FST: variants seen among roughly 807,000 people sequenced by gnomAD.
FST encodes activin-binding protein.
In FST, 6 loss-of-function variants were observed where a neutral mutation model predicts 38.4. That is an observed-to-expected ratio of 0.16 (90% CI 0.09 to 0.31). The LOEUF (loss-of-function observed/expected upper bound fraction) is 0.31, where lower values mean the gene tolerates loss of function less well. FST is among the 10% of genes least tolerant of loss of function. The pLI is 1.00. For missense variants in FST, 301 were observed against 432.3 expected (o/e 0.70, Z 2.69); for synonymous variants, 157 against 169.8 (o/e 0.92, Z 0.59).
At chr5:53,482,312 T>TTTTC (rs776578377) in intron 1 of FST, among the ~76,000 whole-genome samples, 1 of 150,126 alleles carries the variant, frequency 6.7e-6, no homozygotes, top group East Asian at 1.9e-4. Context: ...CTCTTCTTTC[T>TTTTC]TTTCTTTCTT....
rs70983342 is a variant in FST, at chr5:53,481,462, C to CAAAAAAAAAAAA, written c.85+599_85+610dup. On this transcript the variant is annotated intron_variant, in intron 1 of 5. Transcript: ENST00000256759. ...CTTCCAACCCCATCCCCCATTCTCGCAAAAAAAAAAAAAAAAAAAAAAAAG... is the reference window on the plus strand; with the variant it reads ...CTTCCAACCCCATCCCCCATTCTCGCAAAAAAAAAAAAAAAAAAAAAAAAAAAAAAAAAAAAG... Among the ~76,000 whole-genome samples, 184 of 48,066 alleles carry CAAAAAAAAAAAA rather than the reference C, an allele frequency of 3.8e-3. 27 individuals are homozygous for CAAAAAAAAAAAA. The highest frequency in any genetic ancestry group is 7.9e-3 in the African/African-American group (68 of 8,660). The allele number at this position is 48,066 out of a possible 152,430, so 31.5% of individuals were successfully genotyped here. A position where few individuals can be genotyped will look rare whatever the true frequency, so the allele number is the denominator to read the frequency against.
chr5:53,484,829 C>A (rs1747450073), intron 4 of FST, among the ~76,000 whole-genome samples, 168 bp from the exon 5 acceptor site: 1 of 152,080 alleles, frequency 6.6e-6, no homozygotes, highest in South Asian at 2.1e-4. Context: ...GTTTTATTAT[C>A]CAGCATTTTT....
Position 53,480,865 on chromosome 5 carries a change from G to A in FST, c.74G>A (p.Arg25His). The A allele has an allele frequency of 2.0e-6, 3 of 1,524,070 alleles. No individual in the cohort carries two copies. The highest frequency in any genetic ancestry group is 1.4e-5 in the African/African-American group (1 of 71,938). The allele number at this position is 1,524,070 out of a possible 1,614,324, so 94.4% of individuals were successfully genotyped here. Residue 25 changes from arginine to histidine, a missense_variant, in exon 1 of 6, where the codon CGC becomes CAC. Arg to His is a conservative substitution (Grantham distance 29). Transcript: ENST00000256759. ...LLLLCQFMED[R>H]SAQAGNCWLR... Reference sequence around the variant, plus strand: ...CTGCTCTGCCAGTTCATGGAGGACCGCAGTGCCCAGGGTAAGCGAGTGGGG... The same window carrying A: ...CTGCTCTGCCAGTTCATGGAGGACCACAGTGCCCAGGGTAAGCGAGTGGGG...
Position 53,483,061 on chromosome 5 carries a change from C to T in FST, c.267C>T (p.Ile89=). The change falls in exon 2 of 6, where the codon ATC becomes ATT. Residue 89 remains isoleucine, a synonymous_variant. Coordinates refer to ENST00000256759, the MANE Select transcript of FST (RefSeq NM_013409.3). This position sits in a 1 kb window ranked among gnomAD's most constrained non-coding sequence, Gnocchi z 4.1. ...MIFNGGAPNC[I]PCKETCENVD... ...TCAACGGGGGCGCCCCCAACTGCATCCCCTGTAAAGGTAGGACTCCTTCTT... is the reference window on the plus strand; with the variant it reads ...TCAACGGGGGCGCCCCCAACTGCATTCCCTGTAAAGGTAGGACTCCTTCTT... 10 of 1,611,186 alleles carry T rather than the reference C, an allele frequency of 6.2e-6. No homozygotes were observed. The highest frequency in any genetic ancestry group is 8.5e-6 in the Non-Finnish European group (10 of 1,177,778).
In FST at chr5:53,483,958, G is replaced by T. The variant is rs1028341551; in HGVS notation, c.497-111G>T. The T allele has an allele frequency of 1.1e-6, 1 of 905,210 alleles. No homozygotes were observed. The highest frequency in any genetic ancestry group is 1.6e-5 in the African/African-American group (1 of 60,862). 56.1% of individuals were successfully genotyped at this position (905,210 alleles called of 1,614,324 possible). On this transcript the variant is annotated intron_variant, in intron 3 of 5. Transcript: ENST00000256759. This position sits in a 1 kb window ranked among gnomAD's most constrained non-coding sequence, Gnocchi z 4.1. Reference sequence around the variant, plus strand: ...TTGAAAACTACAGGGCTCCCTAAGTGCCTTTTGAAAGCTGGATGCTTCAGT... The same window carrying T: ...TTGAAAACTACAGGGCTCCCTAAGTTCCTTTTGAAAGCTGGATGCTTCAGT...
chr5:53,483,400 G>A lies in FST; in HGVS notation c.278-104G>A, dbSNP rs1747358534. The A allele has an allele frequency of 5.8e-6, 5 of 854,722 alleles. No individual in the cohort carries two copies. The highest frequency in any genetic ancestry group is 2.6e-5 in the East Asian group (1 of 38,346). The allele number at this position is 854,722 out of a possible 1,614,324, so 52.9% of individuals were successfully genotyped here. On this transcript the variant is annotated intron_variant, in intron 2 of 5. Coordinates refer to ENST00000256759, the MANE Select transcript of FST (RefSeq NM_013409.3). The surrounding 1 kb of genome is among the most constrained non-coding windows in gnomAD (Gnocchi z 4.1). ...GGAGAGAGCCTGGGGCCCCTCCAGC[G>A]CAAACTCAGGGCTGCATGATTGCGC... is the stretch of plus-strand genomic sequence containing the variant.
Position 53,480,733 on chromosome 5 carries a change from C to A in FST, c.-59C>A. On this transcript the variant is annotated 5_prime_UTR_variant, in exon 1 of 6. Coordinates refer to ENST00000256759, the MANE Select transcript of FST (RefSeq NM_013409.3). ...CGACGCGCGCCGCTCGCCCGAGCCA[C>A]CCGCCGCCGCGCCGGCTCCCCGCGC... 1.7e-6 allele frequency: 1 copy of A among 598,762 alleles called. No homozygotes were observed. The highest frequency in any genetic ancestry group is 2.2e-6 in the Non-Finnish European group (1 of 450,898). The allele number at this position is 598,762 out of a possible 1,614,324, so 37.1% of individuals were successfully genotyped here. A position where few individuals can be genotyped will look rare whatever the true frequency, so the allele number is the denominator to read the frequency against.
chr5:53,483,447 G>A lies in FST; in HGVS notation c.278-57G>A. 2.1e-6 allele frequency: 3 copies of A among 1,422,054 alleles called. No individual in the cohort carries two copies. The highest frequency in any genetic ancestry group is 3.0e-6 in the Non-Finnish European group (3 of 1,012,018). 88.1% of individuals were successfully genotyped at this position (1,422,054 alleles called of 1,614,324 possible). On this transcript the variant is annotated intron_variant, in intron 2 of 5. Coordinates refer to ENST00000256759, the MANE Select transcript of FST (RefSeq NM_013409.3). The surrounding 1 kb of genome is among the most constrained non-coding windows in gnomAD (Gnocchi z 4.1). ...GCGCAAGGCACCCGAAGCCCTCCTG[G>A]CTGACCTGCAGACTGCCTGGCTCTG...
Position 53,483,097 on chromosome 5 carries a change from A to C in FST, c.277+26A>C. 6.5e-7 allele frequency: 1 copy of C among 1,540,830 alleles called. No individual in the cohort carries two copies. The highest frequency in any genetic ancestry group is 8.9e-7 in the Non-Finnish European group (1 of 1,117,956). ...GTAGGACTCCTTCTTCCCAACTTGC[A>C]GGCCCTCAGTAGAGGGCGTCTTACC... On this transcript the variant is annotated intron_variant, in intron 2 of 5. Coordinates refer to ENST00000256759, the MANE Select transcript of FST (RefSeq NM_013409.3). This position sits in a 1 kb window ranked among gnomAD's most constrained non-coding sequence, Gnocchi z 4.1.
At position 53,486,130 on chromosome 5, in the gene FST, T is replaced by C; in HGVS notation, c.*97T>C. The C allele has an allele frequency of 1.6e-6, 1 of 638,076 alleles. No individual in the cohort carries two copies. The highest frequency in any genetic ancestry group is 2.3e-5 in the South Asian group (1 of 43,492). 39.5% of individuals were successfully genotyped at this position (638,076 alleles called of 1,614,324 possible). A position where few individuals can be genotyped will look rare whatever the true frequency, so the allele number is the denominator to read the frequency against. On this transcript the variant is annotated 3_prime_UTR_variant, in exon 6 of 6. Transcript: ENST00000256759. ...AAAGAAAAATATATTGTCCATACTGTAAATAAGTGTATGCTTATTTATTTG... is the reference window on the plus strand; with the variant it reads ...AAAGAAAAATATATTGTCCATACTGCAAATAAGTGTATGCTTATTTATTTG...
chr5:53,485,548 T>G (rs368867401), intron 5 of FST: 1 of 54,564 alleles, frequency 1.8e-5, no homozygotes, highest in Non-Finnish European at 3.0e-5. Flanking sequence ...CTTCAAAAGT[T>G]TTTTTTTTTT....
At position 53,482,870 on chromosome 5, in the gene FST, C is replaced by G. The variant is rs1323337172; in HGVS notation, c.86-10C>G. The G allele has an allele frequency of 1.4e-5, 22 of 1,575,218 alleles. No homozygotes were observed. The highest frequency in any genetic ancestry group is 1.7e-5 in the Non-Finnish European group (20 of 1,153,344). On this transcript the variant is annotated splice_polypyrimidine_tract_variant and intron_variant, in intron 1 of 5. Transcript: ENST00000256759. ...CACTCACCCACCTCCCCACCCTTGT[C>G]TCTTCACAGCTGGGAACTGCTGGCT...
At position 53,486,094 on chromosome 5, in the gene FST, GAA is replaced by G; in HGVS notation, c.*65_*66del. On this transcript the variant is annotated 3_prime_UTR_variant, in exon 6 of 6. Coordinates refer to ENST00000256759, the MANE Select transcript of FST (RefSeq NM_013409.3). ...GTGCAAAAAAAAAAAAAAAAAAAAA[GAA>G]AAAGAAAAAAAGAAAAATATATTGT... 1.4e-6 allele frequency: 1 copy of G among 694,852 alleles called. No individual in the cohort carries two copies. 43.0% of individuals were successfully genotyped at this position (694,852 alleles called of 1,614,324 possible).
Position 53,485,073 on chromosome 5 carries a change from G to T in FST, c.798G>T (p.Arg266=). ...GGGATTTCAAGGTTGGGAGAGGCCGGTGTTCCCTCTGTGATGAGCTGTGCC... is the reference window on the plus strand; with the variant it reads ...GGGATTTCAAGGTTGGGAGAGGCCGTTGTTCCCTCTGTGATGAGCTGTGCC... ...CLWDFKVGRG[R]CSLCDELCPD... is the part of the protein sequence containing the mutation. The change falls in exon 5 of 6, where the codon CGG becomes CGT. Residue 266 remains arginine (R), a synonymous_variant. Transcript: ENST00000256759. 7 of 1,612,352 alleles carry T rather than the reference G, an allele frequency of 4.3e-6. No homozygotes were observed. The highest frequency in any genetic ancestry group is 5.9e-6 in the Non-Finnish European group (7 of 1,178,386).
chr5:53,485,350 A>G, intron 5 of FST, 123 bp downstream of exon 5: 1 of 642,906 alleles, frequency 1.6e-6, no homozygotes, highest in East Asian at 2.7e-5. Flanking sequence ...GGTAGCTGCT[A>G]AGTATCACCA....
intron 1 of FST, chr5:53,482,676 TC>T: frequency 1.9e-6 from 1 of 524,922 alleles, no homozygotes. Flanking sequence ...GATCAGGGCT[TC>T]CCCCTCCACT....
chr5:53,486,006 T>C lies in FST; in HGVS notation c.1008T>C (p.Phe336=). 1 of 1,590,366 alleles carries C rather than the reference T, an allele frequency of 6.3e-7. No homozygotes were observed. The highest frequency in any genetic ancestry group is 8.6e-7 in the Non-Finnish European group (1 of 1,164,550). The part of the protein sequence containing the change: ...EEEDEDQDYS[F]PISSILEW Reference sequence around the variant, plus strand: ...AAGATGAAGACCAGGACTACAGCTTTCCTATATCTTCTATTCTAGAGTGGT... The same window carrying C: ...AAGATGAAGACCAGGACTACAGCTTCCCTATATCTTCTATTCTAGAGTGGT... The change falls in exon 6 of 6, where the codon TTT becomes TTC. Residue 336 remains phenylalanine (F), a synonymous_variant. Coordinates refer to ENST00000256759, the MANE Select transcript of FST (RefSeq NM_013409.3).
intron 1 of FST, 165 bp from the exon 2 acceptor site, chr5:53,482,715 T>G: frequency 1.1e-5 from 6 of 537,884 alleles, no homozygotes; most frequent in East Asian, 3.3e-5. Context: ...CTCCACCCCT[T>G]TCGATTTATT....
In FST at chr5:53,483,102, C is replaced by A; in HGVS notation, c.277+31C>A. ...ACTCCTTCTTCCCAACTTGCAGGCC[C>A]TCAGTAGAGGGCGTCTTACCCTTAG... On this transcript the variant is annotated intron_variant, in intron 2 of 5. Transcript: ENST00000256759. The surrounding 1 kb of genome is among the most constrained non-coding windows in gnomAD (Gnocchi z 4.1). The A allele has an allele frequency of 6.7e-7, 1 of 1,499,614 alleles. No homozygotes were observed. Among genetic ancestry groups the A allele is most frequent in the Non-Finnish European group, 9.2e-7 (1 of 1,082,144 alleles). The allele number at this position is 1,499,614 out of a possible 1,614,324, so 92.9% of individuals were successfully genotyped here. A position where few individuals can be genotyped will look rare whatever the true frequency, so the allele number is the denominator to read the frequency against.
Sources: allele counts gnomAD v4.1 joint callset (sites outside exome capture counted in the v4.1 genomes callset), GRCh38; gene constraint gnomAD v4.1.1; non-coding constraint Gnocchi (gnomAD v3.1); transcripts MANE v1.5; gene names NCBI Gene and HGNC (gene_info 2026-07-23, HGNC 2026-07-21).